The following CLIC5 variants were observed in gnomAD, a reference collection of about 807,000 sequenced individuals.
CLIC5 encodes CLIC family member 5, also known as chloride intracellular channel protein 5.
In CLIC5, 20 loss-of-function variants were observed where a neutral mutation model predicts 24.7. The ratio of observed to expected loss-of-function variants is 0.81; its 90% confidence interval spans 0.57 to 1.18. CLIC5 has a LOEUF of 1.18. Among genes scored for constraint, CLIC5 ranks in the 50% most tolerant of loss-of-function variants. CLIC5 has a pLI of 0.00. For synonymous variants in CLIC5, 159 were observed against 135.6 expected, an observed-to-expected ratio of 1.17 and a Z score of -1.20; for missense variants, 341 against 326.1, an observed-to-expected ratio of 1.05 and a Z score of -0.35.
the CLIC5 span, among the ~76,000 whole-genome samples, chr6:46,110,395 C>T: frequency 6.6e-6 from 1 of 152,190 alleles, no homozygotes; most frequent in African/African-American, 2.4e-5. Context: ...GGTCTGATCA[C>T]CCCAACAGGA....
Position 45,914,310 on chromosome 6 carries a change from T to C in CLIC5, c.506A>G (p.Lys169Arg). The change falls in exon 5 of 6, where the codon AAG becomes AGG. Residue 169 changes from lysine (K) to arginine (R), a missense_variant. By Grantham distance (26) the Lys-to-Arg change is conservative. Coordinates refer to ENST00000339561, the MANE Select transcript of CLIC5 (RefSeq NM_016929.5). ...EIDANTCGED[K>R]GSRRKFLDGD... ...ATCCAGGAACTTGCGCCGGGACCCCTTGTCTTCCCCACAAGTGTTGGCGTC... is the reference window on the plus strand; with the variant it reads ...ATCCAGGAACTTGCGCCGGGACCCCCTGTCTTCCCCACAAGTGTTGGCGTC... The C allele has an allele frequency of 6.2e-7, 1 of 1,607,094 alleles. No homozygotes were observed. The highest frequency in any genetic ancestry group is 8.5e-7 in the Non-Finnish European group (1 of 1,175,370).
At chr6:45,896,075 A>T (rs769141194), downstream of CLIC5, among the ~76,000 whole-genome samples, 2 of 152,340 alleles carry the variant, frequency 1.3e-5, no homozygotes, top group East Asian at 3.9e-4. Context: ...ACCCAATTGC[A>T]GGGCCTCAGG....
At chr6:45,891,187 A>C (rs946721378) in intron 6 of CLIC5, among the ~76,000 whole-genome samples, 3 of 152,246 alleles carry the variant, frequency 2.0e-5, no homozygotes, top group African/African-American at 7.2e-5. Flanking sequence ...TGCATTCCAT[A>C]AATACATATA....
chr6:46,090,599 T>C, the CLIC5 span, among the ~76,000 whole-genome samples: 1 of 152,232 alleles, frequency 6.6e-6, no homozygotes, highest in Non-Finnish European at 1.5e-5. Flanking sequence ...CAAGTAAAAA[T>C]TGTATATACT....
the CLIC5 span, among the ~76,000 whole-genome samples, chr6:46,126,850 T>G: frequency 6.6e-6 from 1 of 152,200 alleles, no homozygotes; most frequent in African/African-American, 2.4e-5. Flanking sequence ...TTCTAACTTC[T>G]GACCTTCTCC....
At chr6:45,972,386 T>G (rs1489888416) in intron 1 of CLIC5, among the ~76,000 whole-genome samples, 1 of 152,226 alleles carries the variant, frequency 6.6e-6, no homozygotes, top group Non-Finnish European at 1.5e-5. Flanking sequence ...ATATCCTGTC[T>G]TCTTTGTTAG....
At chr6:46,060,707 T>G (rs1762235934) in intron 1 of CLIC5, among the ~76,000 whole-genome samples, 1 of 151,784 alleles carries the variant, frequency 6.6e-6, no homozygotes, top group African/African-American at 2.4e-5. Flanking sequence ...TGATCCTACC[T>G]GCCACCCTGG....
the CLIC5 span, among the ~76,000 whole-genome samples, chr6:46,094,308 C>T: frequency 6.6e-6 from 1 of 152,194 alleles, no homozygotes; most frequent in Non-Finnish European, 1.5e-5. Flanking sequence ...ACAATCATGC[C>T]TTCCTAACAA....
At chr6:46,008,758 C>T (rs1350387012) in intron 1 of CLIC5, among the ~76,000 whole-genome samples, 1 of 152,126 alleles carries the variant, frequency 6.6e-6, no homozygotes, top group Non-Finnish European at 1.5e-5. Flanking sequence ...AAAGAAAGGT[C>T]AAAAGCATTT....
chr6:46,077,824 CA>C (rs2127478145), intron 1 of CLIC5, among the ~76,000 whole-genome samples: 1 of 152,284 alleles, frequency 6.6e-6, no homozygotes, highest in South Asian at 2.1e-4. Flanking sequence ...ATGTTATAGT[CA>C]ATCAATTTTC....
At chr6:45,915,312 G>A (rs1762988198) in intron 4 of CLIC5, among the ~76,000 whole-genome samples, 1 of 152,116 alleles carries the variant, frequency 6.6e-6, no homozygotes, top group Admixed American at 6.5e-5. Context: ...TTTTTAGGAA[G>A]AAAAGGCTAT....
the CLIC5 span, among the ~76,000 whole-genome samples, chr6:46,114,947 G>A: frequency 6.6e-6 from 1 of 152,088 alleles, no homozygotes; most frequent in African/African-American, 2.4e-5. Context: ...AAAAATCCAG[G>A]GATGATAACA....
Position 46,028,313 on chromosome 6 carries a change from A to C in CLIC5, c.540+51390T>G, listed in dbSNP as rs16874126. ...GAGATGCTGCATGCCTGGCCATGTG[A>C]ATGCTGACCATACAGCATCACTCAT... On this transcript the variant is annotated intron_variant, in intron 1 of 5. Coordinates refer to the CLIC5 transcript ENST00000185206. Among the ~76,000 whole-genome samples the C allele has an allele frequency of 9.2e-3, 1,401 of 152,266 alleles. 77 individuals are homozygous for C. Among genetic ancestry groups the C allele is most frequent in the Admixed American group, 0.07 (1,074 of 15,280 alleles).
At position 45,902,940 on chromosome 6, in the gene CLIC5, C is replaced by T. The variant is rs1762547783; in HGVS notation, c.*148G>A. The T allele has an allele frequency of 3.8e-6, 3 of 791,268 alleles. No homozygotes were observed. The highest frequency in any genetic ancestry group is 3.8e-4 in the Middle Eastern group (1 of 2,620). The allele number at this position is 791,268 out of a possible 1,614,324, so 49.0% of individuals were successfully genotyped here. On this transcript the variant is annotated 3_prime_UTR_variant, in exon 6 of 6. Coordinates refer to ENST00000339561, the MANE Select transcript of CLIC5 (RefSeq NM_016929.5). ...TGGTGCTGACCTTCATGAAAGATAG[C>T]AGGCTGGAGTTCCCATGATACCAGC...
At chr6:45,954,485 A>T (rs1764577926) in intron 2 of CLIC5, among the ~76,000 whole-genome samples, 1 of 152,302 alleles carries the variant, frequency 6.6e-6, no homozygotes, top group African/African-American at 2.4e-5. Context: ...CAAGCTCACC[A>T]GGGATGAAGG....
At chr6:45,960,830 C>T (rs188029572) in intron 1 of CLIC5, among the ~76,000 whole-genome samples, 3 of 152,186 alleles carry the variant, frequency 2.0e-5, no homozygotes, top group South Asian at 2.1e-4. Flanking sequence ...GCTTGCTCAG[C>T]GACTCCAGAC....
At chr6:46,072,234 A>C (rs1762625452) in intron 1 of CLIC5, among the ~76,000 whole-genome samples, 1 of 146,446 alleles carries the variant, frequency 6.8e-6, no homozygotes, top group Non-Finnish European at 1.5e-5. Context: ...CTGAACTTAA[A>C]AGAAAAAAAA....
rs536960096 is a variant in CLIC5 at position 46,076,969 on chromosome 6, T to C, written c.540+2734A>G. On this transcript the variant is annotated intron_variant, in intron 1 of 5. Coordinates refer to the CLIC5 transcript ENST00000185206. ...CTGAACAACATAGTGAAAACCCGTC[T>C]CTACTAAAAATACAAAAATTACCTG... Among the ~76,000 whole-genome samples the C allele has an allele frequency of 9.6e-4, 146 of 152,096 alleles. 4 individuals are homozygous for C. The South Asian group carries it at 0.028, about 29-fold the overall frequency.
chr6:45,949,135 C>G (rs533704561), intron 3 of CLIC5, 121 bp downstream of exon 3: 1 of 1,311,110 alleles, frequency 7.6e-7, no homozygotes, highest in African/African-American at 1.5e-5. Context: ...AGAAAGGGTC[C>G]TGTTCTCTGG....
Sources: allele counts gnomAD v4.1 joint callset (sites outside exome capture counted in the v4.1 genomes callset), GRCh38; gene constraint gnomAD v4.1.1; transcripts MANE v1.5; gene names NCBI Gene and HGNC (gene_info 2026-07-23, HGNC 2026-07-21).